The following CACNA1C variants were observed in gnomAD, a reference collection of about 807,000 sequenced individuals.
CACNA1C encodes voltage-dependent L-type calcium channel subunit alpha-1C.
In CACNA1C, 30 loss-of-function variants were observed where a neutral mutation model predicts 229.0. The observed-to-expected ratio is 0.13, with a 90% CI of 0.10 to 0.18. The LOEUF (loss-of-function observed/expected upper bound fraction) is 0.18. Among genes scored for constraint, CACNA1C ranks in the 10% least tolerant of loss-of-function variants. CACNA1C has a pLI of 1.00. For synonymous variants in CACNA1C, 1,114 were observed against 1,132.5 expected, an observed-to-expected ratio of 0.98 and a Z score of 0.33; for missense variants, 1,658 against 2,845.0, an observed-to-expected ratio of 0.58 and a Z score of 9.49.
chr12:1,996,644 A>C lies in CACNA1C; in HGVS notation c.139+25443A>C, dbSNP rs959905459. Among the ~76,000 whole-genome samples the C allele has an allele frequency of 6.6e-3, 592 of 89,418 alleles. 19 individuals carry two copies. Among genetic ancestry groups the C allele is most frequent in the African/African-American group, 0.031 (555 of 17,734 alleles). The allele number at this position is 89,418 out of a possible 152,430, so 58.7% of individuals were successfully genotyped here. The stretch of plus-strand genomic sequence containing the variant: ...AAAAAAAAAAAAAAAAAAAAAAAAA[A>C]AAAAAAAAAAACAACAAACTCTTCT... On this transcript the variant is annotated intron_variant, in intron 1 of 46. Transcript: ENST00000682462.
intron 3 of CACNA1C, among the ~76,000 whole-genome samples, chr12:2,175,037 C>T (rs1031640716): frequency 3.3e-5 from 5 of 152,064 alleles, no homozygotes; most frequent in Admixed American, 6.5e-5. Flanking sequence ...TGTAAGTGAC[C>T]CACGCTGTTC....
intron 1 of CACNA1C, among the ~76,000 whole-genome samples, chr12:2,057,423 G>A (rs2055521061): frequency 6.6e-6 from 1 of 152,214 alleles, no homozygotes; most frequent in Non-Finnish European, 1.5e-5. Context: ...GTCAGGAAAG[G>A]GGCTTCAGGG....
intron 3 of CACNA1C, among the ~76,000 whole-genome samples, chr12:2,191,399 G>T (rs1279771653): frequency 1.3e-5 from 2 of 152,234 alleles, no homozygotes; most frequent in South Asian, 2.1e-4. Flanking sequence ...CTGGGGACTG[G>T]CCCTCTGCAG....
intron 3 of CACNA1C, among the ~76,000 whole-genome samples, chr12:2,248,059 T>G (rs2074102688): frequency 6.6e-6 from 1 of 152,242 alleles, no homozygotes; most frequent in Admixed American, 6.5e-5. Flanking sequence ...AATTAAGTTC[T>G]ATGTATATAT....
intron 3 of CACNA1C, among the ~76,000 whole-genome samples, chr12:2,430,815 G>A (rs1203086456): frequency 6.6e-6 from 1 of 151,986 alleles, no homozygotes; most frequent in Non-Finnish European, 1.5e-5. Context: ...TGGGCCCATG[G>A]AGCCCAATCC....
At chr12:2,683,425 GAC>G (rs771235313) in intron 43 of CACNA1C, among the ~76,000 whole-genome samples, 83 of 152,314 alleles carry the variant, frequency 5.4e-4, no homozygotes, top group Admixed American at 9.1e-4. Flanking sequence ...AGAAGTTTGA[GAC>G]ACAGTGTTTC....
At chr12:2,075,560 C>T (rs994397049) in intron 1 of CACNA1C, among the ~76,000 whole-genome samples, 3 of 152,154 alleles carry the variant, frequency 2.0e-5, no homozygotes, top group Non-Finnish European at 4.4e-5. Flanking sequence ...AACGCTTTGC[C>T]ATGTTTATGT....
intron 1 of CACNA1C, among the ~76,000 whole-genome samples, chr12:1,972,058 A>C (rs1259423841): frequency 6.6e-6 from 1 of 152,226 alleles, no homozygotes; most frequent in Non-Finnish European, 1.5e-5. Flanking sequence ...ATATAACTTC[A>C]CTAATTCCTC....
rs1322956400 is a variant in CACNA1C at position 2,054,306 on chromosome 12, G to T, written c.49+695G>T. Among the ~76,000 whole-genome samples the T allele has an allele frequency of 2.0e-5, 3 of 152,100 alleles. No homozygotes were observed. Among genetic ancestry groups the T allele is most frequent in the Admixed American group, 6.5e-5 (1 of 15,278 alleles). On this transcript the variant is annotated intron_variant, in intron 1 of 46. Transcript: ENST00000399655. This position sits in a 1 kb window ranked among gnomAD's most constrained non-coding sequence, Gnocchi z 5.5. ...CTCCACTGCTGTTGACCCCGAGCGCGCCCACGCCGCGTGTGTTCTCATTCG... is the reference window on the plus strand; with the variant it reads ...CTCCACTGCTGTTGACCCCGAGCGCTCCCACGCCGCGTGTGTTCTCATTCG...
rs1210787042 is a variant in CACNA1C at position 2,403,003 on chromosome 12, A to G, written c.478-45973A>G. Among the ~76,000 whole-genome samples the G allele has an allele frequency of 1.3e-5, 2 of 152,194 alleles. No homozygotes were observed. Among genetic ancestry groups the G allele is most frequent in the Non-Finnish European group, 2.9e-5 (2 of 68,034 alleles). On this transcript the variant is annotated intron_variant, in intron 3 of 46. Transcript: ENST00000399655. This position sits in a 1 kb window ranked among gnomAD's most constrained non-coding sequence, Gnocchi z 4.1. ...TGGGTAGGGATGCGAGCTGAAAGAGATAGACAGATCATGAGGATCTTCAAG... is the reference window on the plus strand; with the variant it reads ...TGGGTAGGGATGCGAGCTGAAAGAGGTAGACAGATCATGAGGATCTTCAAG...
intron 1 of CACNA1C, among the ~76,000 whole-genome samples, chr12:1,986,027 A>T (rs1316823994): frequency 6.6e-6 from 1 of 152,036 alleles, no homozygotes; most frequent in Non-Finnish European, 1.5e-5. Context: ...GTTAGCCAGG[A>T]TGGTCTCGAT....
At position 2,287,469 on chromosome 12, in the gene CACNA1C, G is replaced by A. The variant is rs139612964; in HGVS notation, c.478-161507G>A. ...GTTGGGTCAGTGGAGATCAGGGCCC[G>A]AAGAGCAGTTTCAGCCTGCGTGGTC... On this transcript the variant is annotated intron_variant, in intron 3 of 46. Coordinates refer to ENST00000399655, the MANE Select transcript of CACNA1C (RefSeq NM_000719.7). This position sits in a 1 kb window ranked among gnomAD's most constrained non-coding sequence, Gnocchi z 4.6. 1.3e-5 allele frequency among the ~76,000 whole-genome samples: 2 copies of A among 152,296 alleles called. No individual in the cohort carries two copies. The highest frequency in any genetic ancestry group is 2.9e-5 in the Non-Finnish European group (2 of 68,030).
At chr12:2,247,584 C>T (rs1600592646) in intron 3 of CACNA1C, among the ~76,000 whole-genome samples, 1 of 152,308 alleles carries the variant, frequency 6.6e-6, no homozygotes, top group South Asian at 2.1e-4. Context: ...GGCTTCCTGA[C>T]CTTCCTGGTG....
rs1462510033 is a variant in CACNA1C, at chr12:2,674,441, C to T, written c.4727-100C>T. Reference sequence around the variant, plus strand: ...GAAAGAAACTGATGAGTCAGGGTTGCGTGGGGCAGATGCCACCATCTGTGG... The same window carrying T: ...GAAAGAAACTGATGAGTCAGGGTTGTGTGGGGCAGATGCCACCATCTGTGG... On this transcript the variant is annotated intron_variant, in intron 38 of 46. Transcript: ENST00000399655. 5.4e-6 allele frequency: 8 copies of T among 1,469,910 alleles called. No individual in the cohort carries two copies. In the East Asian group the frequency reaches 7.7e-5, roughly 14 times the overall value. 91.1% of individuals were successfully genotyped at this position (1,469,910 alleles called of 1,614,324 possible).
Position 2,001,021 on chromosome 12 carries a change from GA to G in CACNA1C, c.139+29821del, listed in dbSNP as rs2042073471. On this transcript the variant is annotated intron_variant, in intron 1 of 46. Coordinates refer to the CACNA1C transcript ENST00000682462. ...CATTGCACTCCAGCCTGGGGAACAA[GA>G]GCGAGACTTCGTCTCAAAAAAAAAA... Among the ~76,000 whole-genome samples the G allele has an allele frequency of 1.3e-4, 18 of 142,582 alleles. 1 individual carries two copies. The South Asian group carries it at 4.0e-3, about 32-fold the overall frequency. 93.5% of individuals were successfully genotyped at this position (142,582 alleles called of 152,430 possible).
chr12:2,329,251 T>G (rs1194258456), intron 3 of CACNA1C, among the ~76,000 whole-genome samples: 1 of 152,218 alleles, frequency 6.6e-6, no homozygotes, highest in Non-Finnish European at 1.5e-5. Context: ...TATGTAACTT[T>G]GGAATGGTTT....
chr12:2,371,963 C>T (rs1448548021), intron 3 of CACNA1C, among the ~76,000 whole-genome samples: 1 of 152,106 alleles, frequency 6.6e-6, no homozygotes, highest in African/African-American at 2.4e-5. Context: ...AGTTCATTGT[C>T]ACTTAGAAAT....
At chr12:2,470,782 T>A (rs1017911275) in intron 5 of CACNA1C, among the ~76,000 whole-genome samples, 1 of 152,172 alleles carries the variant, frequency 6.6e-6, no homozygotes, top group East Asian at 1.9e-4. Context: ...TCCAACTCCC[T>A]ATCTGTCTAC....
chr12:2,680,201 G>C (rs972208112), intron 42 of CACNA1C, among the ~76,000 whole-genome samples: 4 of 151,214 alleles, frequency 2.6e-5, no homozygotes, highest in African/African-American at 9.8e-5. Flanking sequence ...TGCTTCCCTG[G>C]AGCCCCTTTG....
Sources: allele counts gnomAD v4.1 joint callset (sites outside exome capture counted in the v4.1 genomes callset), GRCh38; gene constraint gnomAD v4.1.1; non-coding constraint Gnocchi (gnomAD v3.1); transcripts MANE v1.5; gene names NCBI Gene and HGNC (gene_info 2026-07-23, HGNC 2026-07-21).